RPAIN: variants seen among roughly 807,000 people sequenced by gnomAD.
The protein encoded by RPAIN is RPA interacting protein, also known as RPA-interacting protein.
Under a neutral mutation model 30.5 loss-of-function variants are expected in RPAIN, and 29 were observed. The observed-to-expected ratio is 0.95, with a 90% CI of 0.71 to 1.30. The LOEUF is 1.30. Among genes scored for constraint, RPAIN ranks in the 50% most tolerant of loss-of-function variants. The pLI is 0.00. For missense variants in RPAIN, 247 were observed against 264.7 expected (o/e 0.93, Z 0.46); for synonymous variants, 101 against 93.5 (o/e 1.08, Z -0.46).
At chr17:5,431,483 T>TAAAAAA in intron 6 of RPAIN, 1 of 209,638 alleles carries the variant, frequency 4.8e-6, no homozygotes, top group East Asian at 7.8e-4. Context: ...AGATTGTGCC[T>TAAAAAA]TAAAAAAAAA....
chr17:5,421,685 CA>C (rs1914857380), intron 2 of RPAIN: 1 of 379,132 alleles, frequency 2.6e-6, no homozygotes, highest in African/African-American at 2.1e-5. Context: ...ATCACTGCAA[CA>C]TCATCATTTA....
chr17:5,425,852 A>G lies in RPAIN; in HGVS notation c.314-119A>G, dbSNP rs907109689. The G allele has an allele frequency of 2.6e-5, 17 of 646,682 alleles. No individual in the cohort carries two copies. In the African/African-American group the frequency reaches 2.9e-4, roughly 11 times the overall value. 40.1% of individuals were successfully genotyped at this position (646,682 alleles called of 1,614,324 possible). A position where few individuals can be genotyped will look rare whatever the true frequency, so the allele number is the denominator to read the frequency against. ...GAGAGCATAAAAACCAGTCATTGGT[A>G]TTGTGGTCTTGCCCAAATCTTTCCC... On this transcript the variant is annotated intron_variant, in intron 3 of 6. Transcript: ENST00000381209.
At chr17:5,431,687 T>C (rs761358865) in intron 6 of RPAIN, 5 of 454,058 alleles carry the variant, frequency 1.1e-5, no homozygotes, top group African/African-American at 6.0e-5. Context: ...TGAGGATGTG[T>C]TGAAAGATAG....
chr17:5,422,077 G>T (rs547592005), intron 2 of RPAIN, among the ~76,000 whole-genome samples: 10 of 152,226 alleles, frequency 6.6e-5, no homozygotes, highest in African/African-American at 2.4e-4. Flanking sequence ...GAAACTTTCC[G>T]ATTCTAATCT....
intron 1 of RPAIN, 135 bp downstream of exon 1, chr17:5,420,426 C>T (rs1407597949): frequency 8.7e-6 from 6 of 689,678 alleles, no homozygotes; most frequent in Non-Finnish European, 1.5e-5. Context: ...GGCCTGCTGA[C>T]TGTAGAGTGT....
chr17:5,423,933 A>ATTT (rs200628058), intron 3 of RPAIN, among the ~76,000 whole-genome samples: 31 of 144,412 alleles, frequency 2.1e-4, no homozygotes, highest in East Asian at 9.9e-4. Flanking sequence ...TTTTTTATTA[A>ATTT]TTTTTTTTTT....
intron 2 of RPAIN, among the ~76,000 whole-genome samples, chr17:5,422,317 C>G (rs1369272683): frequency 1.3e-5 from 2 of 152,208 alleles, no homozygotes; most frequent in Non-Finnish European, 2.9e-5. Flanking sequence ...TTGAAACCAT[C>G]AACACCCTGT....
chr17:5,428,102 C>A lies in RPAIN; in HGVS notation c.521C>A (p.Ala174Asp). The A allele has an allele frequency of 6.2e-7, 1 of 1,614,088 alleles. No homozygotes were observed. Among genetic ancestry groups the A allele is most frequent in the Non-Finnish European group, 8.5e-7 (1 of 1,180,002 alleles). The change falls in exon 6 of 7, where the codon GCC (alanine) becomes GAC (aspartate). Residue 174 changes from alanine to aspartate, a missense_variant. By Grantham distance (126) the Ala-to-Asp change is moderately radical (BLOSUM62 -2). Coordinates refer to ENST00000381209, the MANE Select transcript of RPAIN (RefSeq NM_001033002.4). ...SSELTEQKLRACLEGSINEHS... is the reference protein window; with the variant it reads ...SSELTEQKLRDCLEGSINEHS... ...GAGTTGACAGAGCAGAAGCTTCGTG[C>A]CTGTTTAGAGGGTAGTATAAATGAG...
intron 6 of RPAIN, chr17:5,432,333 C>T: frequency 1.9e-6 from 1 of 540,374 alleles, no homozygotes; most frequent in Middle Eastern, 4.9e-4. Context: ...CTGATGGTTC[C>T]CAGGGCAGTT....
rs539335175 is a variant in RPAIN, at chr17:5,426,397, TTCTTC to T, written c.489+99_489+103del. ...CTGACTTGGAGCCCATTGTGCATAT[TTCTTC>T]CCAGTTTTATGTTCAGTGGTGTCAC... is the stretch of plus-strand genomic sequence containing the variant. On this transcript the variant is annotated intron_variant, in intron 5 of 6. Transcript: ENST00000381209. 5.0e-3 allele frequency: 5,240 copies of T among 1,046,732 alleles called. 25 individuals are homozygous for T. Among genetic ancestry groups the T allele is most frequent in the Non-Finnish European group, 5.7e-3 (3,773 of 663,484 alleles). The allele number at this position is 1,046,732 out of a possible 1,614,324, so 64.8% of individuals were successfully genotyped here.
rs1444359068 is a variant in RPAIN, at chr17:5,432,718, T to C, written c.*147T>C. On this transcript the variant is annotated 3_prime_UTR_variant, in exon 7 of 7. Transcript: ENST00000381209. ...AAGAAAAAAAAACTTTTCCGACATC[T>C]GTTCTTGGTCTTTTGTGACGCAGGT... 1.1e-6 allele frequency: 1 copy of C among 881,026 alleles called. No individual in the cohort carries two copies. Among genetic ancestry groups the C allele is most frequent in the Non-Finnish European group, 1.7e-6 (1 of 580,146 alleles). The allele number at this position is 881,026 out of a possible 1,614,324, so 54.6% of individuals were successfully genotyped here.
At chr17:5,432,363 G>A (rs1179829976) in intron 6 of RPAIN, 179 bp from the exon 7 acceptor site, 2 of 611,190 alleles carry the variant, frequency 3.3e-6, no homozygotes, top group Non-Finnish European at 5.9e-6. Flanking sequence ...CTGCAGGACA[G>A]AGGTCCAGCA....
chr17:5,423,349 TAAA>T (rs57082873), intron 3 of RPAIN, among the ~76,000 whole-genome samples: 16 of 127,114 alleles, frequency 1.3e-4, no homozygotes, highest in Admixed American at 2.3e-4. Context: ...TCTACAGAAG[TAAA>T]AAAAAAAAAA....
At chr17:5,425,649 CTT>C (rs1287420903) in intron 3 of RPAIN, among the ~76,000 whole-genome samples, 2 of 138,638 alleles carry the variant, frequency 1.4e-5, no homozygotes, top group Non-Finnish European at 3.1e-5. Context: ...AATCAGTTCT[CTT>C]TGTCAACTTT....
At chr17:5,426,663 C>T (rs1334080947) in intron 5 of RPAIN, 3 of 171,128 alleles carry the variant, frequency 1.8e-5, no homozygotes, top group Non-Finnish European at 3.5e-5. Flanking sequence ...TTTTTTGAGA[C>T]GGAGTCTCAC....
At chr17:5,425,641 T>A in intron 3 of RPAIN, 1 of 375,132 alleles carries the variant, frequency 2.7e-6, no homozygotes. Flanking sequence ...CGGCCAGCAA[T>A]CAGTTCTCTT....
chr17:5,420,255 G>C lies in RPAIN; in HGVS notation c.45G>C (p.Leu15=), dbSNP rs773635837. ...CTCCGCGCCGCTCCCTGTACAAACT[G>C]GTGGGCTCGCCGCCTTGGAAAGAGG... ...LRSPRRSLYK[L]VGSPPWKEAF... is the part of the protein sequence containing the mutation. Residue 15 remains leucine (L), a synonymous_variant, in exon 1 of 7, where the codon CTG becomes CTC. Transcript: ENST00000381209. 2 of 1,613,846 alleles carry C rather than the reference G, an allele frequency of 1.2e-6. No individual in the cohort carries two copies. Among genetic ancestry groups the C allele is most frequent in the Non-Finnish European group, 8.5e-7 (1 of 1,179,992 alleles).
rs770581531 is a variant in RPAIN at position 5,426,044 on chromosome 17, G to A, written c.387G>A (p.Glu129=). The change falls in exon 4 of 7, where the codon GAG becomes GAA. Residue 129 remains glutamate (E), a synonymous_variant. Transcript: ENST00000381209. ...AGTGTCTCAGCATCATGCTGGCTGA[G>A]TGGGAGGCAAACCCACTCATCTGTC... ...DEKCLSIMLA[E]WEANPLICPV... 2 of 1,613,794 alleles carry A rather than the reference G, an allele frequency of 1.2e-6. No individual in the cohort carries two copies. Among genetic ancestry groups the A allele is most frequent in the East Asian group, 2.2e-5 (1 of 44,898 alleles).
intron 6 of RPAIN, chr17:5,431,737 G>C (rs560828979): frequency 2.3e-6 from 1 of 433,620 alleles, no homozygotes; most frequent in South Asian, 1.7e-5. Context: ...ACAAGACGAG[G>C]AATGTTTCGG....
Sources: gnomAD v4.1 joint callset for allele counts (sites outside exome capture counted in the v4.1 genomes callset) on GRCh38, gnomAD v4.1.1 for gene constraint, MANE v1.5 for transcripts, NCBI Gene and HGNC (gene_info 2026-07-23, HGNC 2026-07-21) for gene names.